PPEF1: variants seen among roughly 807,000 people sequenced by gnomAD.
PPEF1 encodes protein phosphatase with EF-hand domain 1.
In PPEF1, 12 loss-of-function variants were observed where a neutral mutation model predicts 53.3. The observed-to-expected ratio is 0.23, with a 90% CI of 0.14 to 0.36. PPEF1 has a LOEUF of 0.36. Ranked by LOEUF, PPEF1 falls within the 10% of genes least tolerant of loss-of-function variation. The pLI is 1.00. For synonymous variants in PPEF1, 165 were observed against 176.7 expected (o/e 0.93, Z 0.52); for missense variants, 334 against 490.4 (o/e 0.68, Z 3.01).
intron 6 of PPEF1, among the ~76,000 whole-genome samples, chrX:18,767,071 A>G (rs2045789920): frequency 9.0e-6 from 1 of 111,009 alleles, no homozygotes; most frequent in African/African-American, 3.3e-5. Context: ...AAAGAAAAGA[A>G]AAGAAAATTA....
chrX:18,786,807 A>G (rs926610611), intron 9 of PPEF1, among the ~76,000 whole-genome samples: 10 of 104,602 alleles, frequency 9.6e-5, no homozygotes, highest in African/African-American at 3.1e-4. Context: ...AAAAGAAAAG[A>G]AAAGAAAATG....
At chrX:18,770,232 C>A (rs2045846465) in intron 6 of PPEF1, among the ~76,000 whole-genome samples, 1 of 111,285 alleles carries the variant, frequency 9.0e-6, no homozygotes, top group African/African-American at 3.3e-5. Context: ...ACACTCACAC[C>A]CCAGTAGACT....
At chrX:18,731,563 C>T (rs953447755) in intron 2 of PPEF1, among the ~76,000 whole-genome samples, 3 of 111,860 alleles carry the variant, frequency 2.7e-5, no homozygotes, top group Non-Finnish European at 5.6e-5. Context: ...ATGCTTTAGA[C>T]ACATTCCAGC....
intron 6 of PPEF1, among the ~76,000 whole-genome samples, chrX:18,771,408 T>G (rs1396773413): frequency 8.9e-6 from 1 of 111,745 alleles, no homozygotes; most frequent in Non-Finnish European, 1.9e-5. Flanking sequence ...AATTTTGCTT[T>G]TAATTTTCTC....
intron 8 of PPEF1, 130 bp downstream of exon 8, chrX:18,782,532 C>T (rs2046108786): frequency 8.7e-6 from 4 of 457,431 alleles, no homozygotes; most frequent in Non-Finnish European, 1.1e-5. Context: ...GAATGCATGC[C>T]AATAAAATAC....
chrX:18,755,435 C>T (rs1333149072), intron 4 of PPEF1, among the ~76,000 whole-genome samples: 1 of 111,325 alleles, frequency 9.0e-6, no homozygotes, highest in East Asian at 2.8e-4. Flanking sequence ...GGCATGGTGG[C>T]ACGTGCCTGT....
chrX:18,799,388 G>A (rs112688424), intron 10 of PPEF1, among the ~76,000 whole-genome samples: 1,496 of 111,450 alleles, frequency 0.013, 33 homozygotes, highest in African/African-American at 0.046. Context: ...CCTGGGCGAC[G>A]AAAGCAAAAC....
chrX:18,739,321 T>C (rs2045083119), intron 3 of PPEF1, among the ~76,000 whole-genome samples: 1 of 112,619 alleles, frequency 8.9e-6, no homozygotes, highest in African/African-American at 3.2e-5. Context: ...TTGGTGTGGA[T>C]GTCCTTTCTG....
chrX:18,730,825 C>T (rs1403392311), intron 2 of PPEF1, among the ~76,000 whole-genome samples: 1 of 109,569 alleles, frequency 9.1e-6, no homozygotes, highest in Non-Finnish European at 1.9e-5. Context: ...AGCGATTCTC[C>T]TGCCTCAGCC....
intron 6 of PPEF1, among the ~76,000 whole-genome samples, chrX:18,769,426 T>C (rs1373292398): frequency 8.9e-6 from 1 of 112,105 alleles, no homozygotes; most frequent in African/African-American, 3.2e-5. Context: ...AAGACATTTT[T>C]CCCTCATTGA....
At chrX:18,774,183 G>A (rs1219275487) in intron 6 of PPEF1, among the ~76,000 whole-genome samples, 2 of 110,738 alleles carry the variant, frequency 1.8e-5, no homozygotes, top group Non-Finnish European at 3.8e-5. Flanking sequence ...TCCACCTCCC[G>A]GGTTCAAGCG....
chrX:18,686,386 GTC>G (rs1196444148), intron 3 of PPEF1, among the ~76,000 whole-genome samples: 1 of 111,443 alleles, frequency 9.0e-6, no homozygotes, highest in Admixed American at 9.6e-5. Context: ...AGATAAGTGA[GTC>G]TGTCCCAGCA....
intron 4 of PPEF1, 32 bp from the exon 5 acceptor site, chrX:18,757,595 T>C: frequency 9.5e-7 from 1 of 1,057,827 alleles, no homozygotes; most frequent in Non-Finnish European, 1.3e-6. Context: ...TCCTTGTTCA[T>C]TACATCTATT....
intron 1 of PPEF1, among the ~76,000 whole-genome samples, chrX:18,677,079 C>T (rs1195255323): frequency 1.9e-5 from 2 of 104,556 alleles, no homozygotes; most frequent in Admixed American, 1.0e-4. Flanking sequence ...CGCTCTGTTG[C>T]CCAGGCCGGA....
At chrX:18,692,459 A>G (rs187233114) in intron 4 of PPEF1, among the ~76,000 whole-genome samples, 11 of 111,974 alleles carry the variant, frequency 9.8e-5, no homozygotes, top group Admixed American at 2.8e-4. Flanking sequence ...TGATGAATCT[A>G]TTTATTCTTC....
Position 18,827,411 on chromosome X carries a change from A to G in PPEF1, c.1886A>G (p.Asn629Ser). The stretch of plus-strand genomic sequence containing the variant: ...AACAAAGATGGAAGCATTGACTTTA[A>G]TGAGTTTTTAAAGGCTTTCTATGTA... Reference protein sequence around the residue: ...DLNKDGSIDFNEFLKAFYVVH... With the variant: ...DLNKDGSIDFSEFLKAFYVVH... The change falls in exon 16 of 16, where the codon AAT becomes AGT. Residue 629 changes from asparagine to serine, a missense_variant. Asn to Ser is a conservative substitution (Grantham distance 46, BLOSUM62 1). Coordinates refer to ENST00000470157, the MANE Select transcript of PPEF1 (RefSeq NM_001377996.1). The G allele has an allele frequency of 8.3e-7, 1 of 1,211,099 alleles. No homozygotes were observed. Among genetic ancestry groups the G allele is most frequent in the Non-Finnish European group, 1.1e-6 (1 of 894,766 alleles).
At chrX:18,788,567 A>G (rs1009149805) in intron 9 of PPEF1, among the ~76,000 whole-genome samples, 2 of 111,137 alleles carry the variant, frequency 1.8e-5, no homozygotes, top group South Asian at 3.7e-4. Flanking sequence ...ATTAGAGAAC[A>G]TCGTCAATGG....
chrX:18,755,075 A>G (rs779853750), intron 4 of PPEF1, among the ~76,000 whole-genome samples: 59 of 111,824 alleles, frequency 5.3e-4, no homozygotes, highest in African/African-American at 1.9e-3. Context: ...TATAAGTTCA[A>G]GGAGATAAAT....
At chrX:18,724,463 C>CT (rs1222108284) in intron 1 of PPEF1, among the ~76,000 whole-genome samples, 1 of 111,801 alleles carries the variant, frequency 8.9e-6, no homozygotes, top group African/African-American at 3.2e-5. Flanking sequence ...AGAAAAGAAT[C>CT]TATTAAAACA....
Sources: allele counts gnomAD v4.1 joint callset (sites outside exome capture counted in the v4.1 genomes callset), GRCh38; gene constraint gnomAD v4.1.1; transcripts MANE v1.5; gene names NCBI Gene and HGNC (gene_info 2026-07-23, HGNC 2026-07-21).